Variants in RIMS2 observed in about 807,000 individuals in gnomAD.
RIMS2 encodes the protein regulating synaptic membrane exocytosis 2, also known as regulating synaptic membrane exocytosis protein 2.
In RIMS2, 59 loss-of-function variants were observed where a neutral mutation model predicts 174.4. The observed-to-expected ratio is 0.34, with a 90% confidence interval of 0.27 to 0.42. The LOEUF is 0.42. Among genes scored for constraint, RIMS2 ranks in the 10% least tolerant of loss-of-function variants. RIMS2 has a pLI of 1.00. For missense variants in RIMS2, 1,620 were observed against 1,666.3 expected, an observed-to-expected ratio of 0.97 and a Z score of 0.48; for synonymous variants, 606 against 572.5, an observed-to-expected ratio of 1.06 and a Z score of -0.84.
chr8:103,766,263 G>C lies in RIMS2; in HGVS notation c.424G>C (p.Glu142Gln). 6.2e-7 allele frequency: 1 copy of C among 1,613,366 alleles called. No homozygotes were observed. Among genetic ancestry groups the C allele is most frequent in the Non-Finnish European group, 8.5e-7 (1 of 1,179,628 alleles). Residue 142 changes from glutamate (E) to glutamine (Q), a missense_variant, in exon 3 of 24, where the codon GAA becomes CAA. Transcript: ENST00000504942. The stretch of plus-strand genomic sequence containing the variant: ...ATGTAATTTGTGCCGAAAACAACAA[G>C]AAATCCTCACTAAATCAGGAGCATG...
chr8:103,601,396 G>A (rs1161790530), intron 1 of RIMS2, among the ~76,000 whole-genome samples: 2 of 152,070 alleles, frequency 1.3e-5, no homozygotes, highest in Non-Finnish European at 2.9e-5. Context: ...CCTGTTGCTG[G>A]ATTGAACACT....
intron 1 of RIMS2, among the ~76,000 whole-genome samples, chr8:103,667,885 A>C (rs986159886): frequency 6.6e-6 from 1 of 152,138 alleles, no homozygotes; most frequent in Non-Finnish European, 1.5e-5. Context: ...TTACAAGCTT[A>C]AGGTTCACAG....
intron 2 of RIMS2, among the ~76,000 whole-genome samples, chr8:103,750,242 A>G (rs1211502769): frequency 6.6e-6 from 1 of 152,156 alleles, no homozygotes; most frequent in African/African-American, 2.4e-5. Context: ...AATCAGTTCA[A>G]AAAGTATCAT....
intron 1 of RIMS2, among the ~76,000 whole-genome samples, chr8:103,583,891 T>A (rs1476020429): frequency 6.6e-6 from 1 of 151,152 alleles, no homozygotes; most frequent in African/African-American, 2.5e-5. Flanking sequence ...ATCACGTGAG[T>A]GGGGGAAAAA....
At chr8:103,647,420 A>G (rs1464239150) in intron 1 of RIMS2, among the ~76,000 whole-genome samples, 1 of 152,030 alleles carries the variant, frequency 6.6e-6, no homozygotes, top group African/African-American at 2.4e-5. Flanking sequence ...TTTTGGTATC[A>G]GTATGATGTT....
intron 1 of RIMS2, among the ~76,000 whole-genome samples, chr8:103,665,899 A>G (rs1014568932): frequency 1.3e-5 from 2 of 152,220 alleles, no homozygotes; most frequent in African/African-American, 4.8e-5. Context: ...ATGAAGTTTT[A>G]TCAACACCAT....
intron 1 of RIMS2, among the ~76,000 whole-genome samples, chr8:103,615,899 C>A (rs1214095509): frequency 6.6e-6 from 1 of 151,974 alleles, no homozygotes; most frequent in African/African-American, 2.4e-5. Context: ...AAACCAAAAA[C>A]GCCCAACACC....
chr8:103,629,053 C>T (rs2095852468), intron 1 of RIMS2, among the ~76,000 whole-genome samples: 1 of 152,124 alleles, frequency 6.6e-6, no homozygotes, highest in Non-Finnish European at 1.5e-5. Flanking sequence ...GGCCCCTGTT[C>T]CCAGATGCAG....
At chr8:103,535,389 A>G (rs1418566009) in intron 1 of RIMS2, among the ~76,000 whole-genome samples, 1 of 152,234 alleles carries the variant, frequency 6.6e-6, no homozygotes. Flanking sequence ...ATTAGAAACT[A>G]CCAGGAACCT....
At chr8:103,854,769 T>G (rs2099018234) in intron 3 of RIMS2, among the ~76,000 whole-genome samples, 1 of 152,082 alleles carries the variant, frequency 6.6e-6, no homozygotes, top group Non-Finnish European at 1.5e-5. Flanking sequence ...GATTTGCCAG[T>G]ATTTTGTTGA....
intron 19 of RIMS2, among the ~76,000 whole-genome samples, chr8:104,158,834 A>G (rs1291111976): frequency 6.6e-6 from 1 of 152,030 alleles, no homozygotes; most frequent in Non-Finnish European, 1.5e-5. Context: ...ATTTTCTCCC[A>G]TTCTGTAGGT....
chr8:104,157,751 T>C (rs1027569971), intron 19 of RIMS2, among the ~76,000 whole-genome samples: 8 of 152,228 alleles, frequency 5.3e-5, no homozygotes, highest in African/African-American at 1.9e-4. Context: ...CTTCACCTTC[T>C]GGCTATTGTG....
At chr8:103,599,823 G>C (rs2094634843) in intron 1 of RIMS2, among the ~76,000 whole-genome samples, 1 of 152,028 alleles carries the variant, frequency 6.6e-6, no homozygotes, top group South Asian at 2.1e-4. Flanking sequence ...GATAAAGCAT[G>C]CAATGAATAG....
At chr8:103,855,093 G>T (rs2099020575) in intron 3 of RIMS2, among the ~76,000 whole-genome samples, 1 of 151,934 alleles carries the variant, frequency 6.6e-6, no homozygotes, top group African/African-American at 2.4e-5. Context: ...TCGGGAGATT[G>T]TGTTTTTCCA....
intron 15 of RIMS2, among the ~76,000 whole-genome samples, chr8:103,967,593 A>G (rs1378488292): frequency 6.6e-6 from 1 of 151,914 alleles, no homozygotes; most frequent in Non-Finnish European, 1.5e-5. Flanking sequence ...CTCAGGCTCA[A>G]GCAGATCTGT....
At chr8:103,605,535 C>T (rs1203547843) in intron 1 of RIMS2, among the ~76,000 whole-genome samples, 1 of 151,250 alleles carries the variant, frequency 6.6e-6, no homozygotes, top group Non-Finnish European at 1.5e-5. Flanking sequence ...AGGGAGGATT[C>T]CCTCTTTTTC....
chr8:104,246,017 A>T (rs1283682244), intron 20 of RIMS2, among the ~76,000 whole-genome samples: 1 of 152,220 alleles, frequency 6.6e-6, no homozygotes. Context: ...CTAAAAAGAG[A>T]GGGAAAATCA....
chr8:103,519,289 A>G (rs1287896651), intron 1 of RIMS2, among the ~76,000 whole-genome samples: 5 of 152,126 alleles, frequency 3.3e-5, no homozygotes, highest in Admixed American at 3.3e-4. Context: ...CATTAAAGAC[A>G]TAAAACTCTC....
chr8:104,211,759 C>T (rs2099106410), intron 19 of RIMS2, among the ~76,000 whole-genome samples: 1 of 152,050 alleles, frequency 6.6e-6, no homozygotes, highest in African/African-American at 2.4e-5. Flanking sequence ...AGTGATCTGC[C>T]CAACTCGGCC....
Sources: allele counts gnomAD v4.1 joint callset (sites outside exome capture counted in the v4.1 genomes callset), GRCh38; gene constraint gnomAD v4.1.1; transcripts MANE v1.5; gene names NCBI Gene and HGNC (gene_info 2026-07-23, HGNC 2026-07-21).